The following GPM6B variants were observed in gnomAD, a reference collection of about 807,000 sequenced individuals.
The protein encoded by GPM6B is glycoprotein M6B, also known as neuronal membrane glycoprotein M6-b.
In GPM6B, 4 loss-of-function variants were observed where a neutral mutation model predicts 27.2. The observed-to-expected ratio is 0.15, with a 90% CI of 0.07 to 0.34. The LOEUF (loss-of-function observed/expected upper bound fraction) is 0.34, where lower values mean the gene tolerates loss of function less well. Ranked by LOEUF, GPM6B falls within the 10% of genes least tolerant of loss-of-function variation. The pLI is 1.00. For missense variants in GPM6B, 183 were observed against 261.9 expected (o/e 0.70, Z 2.08); for synonymous variants, 124 against 103.1 (o/e 1.20, Z -1.23).
chrX:13,861,158 C>T (rs79847471), intron 1 of GPM6B, among the ~76,000 whole-genome samples: 1 of 95,172 alleles, frequency 1.1e-5, no homozygotes, highest in African/African-American at 4.3e-5. Flanking sequence ...TATACATATA[C>T]ACACATACAT....
intron 1 of GPM6B, among the ~76,000 whole-genome samples, chrX:13,859,258 T>G (rs1290484365): frequency 8.9e-6 from 1 of 112,115 alleles, no homozygotes; most frequent in Non-Finnish European, 1.9e-5. Context: ...CCCCAACCTC[T>G]GGCAACCACT....
chrX:13,779,715 A>C, intron 5 of GPM6B, 103 bp downstream of exon 5: 1 of 653,100 alleles, frequency 1.5e-6, no homozygotes, highest in Non-Finnish European at 2.2e-6. Flanking sequence ...GGGATGAAAC[A>C]GATCATGACA....
intron 1 of GPM6B, among the ~76,000 whole-genome samples, chrX:13,937,675 A>G (rs1348459588): frequency 9.0e-6 from 1 of 111,724 alleles, no homozygotes; most frequent in Non-Finnish European, 1.9e-5. Context: ...TTTCCTCCCA[A>G]TACAGAGTCC....
chrX:13,773,104 C>T (rs1602957307), intron 7 of GPM6B, 74 bp from the exon 8 acceptor site: 1 of 960,164 alleles, frequency 1.0e-6, no homozygotes, highest in African/African-American at 1.9e-5. Flanking sequence ...TTAGATTAGA[C>T]AGACTTGACT....
At position 13,932,020 on chromosome X, in the gene GPM6B, C is replaced by A. The variant is rs1921592363; in HGVS notation, c.-198+6307G>T. On this transcript the variant is annotated intron_variant, in intron 1 of 6. Transcript: ENST00000398361. ...ATTTTATAGTTAGACACAAACGATT[C>A]TCTCAGTGGGTTTCTTTTATCCCCT... Among the ~76,000 whole-genome samples the A allele has an allele frequency of 3.6e-5, 4 of 112,617 alleles. No homozygotes were observed. The South Asian group carries it at 1.5e-3, about 42-fold the overall frequency.
Position 13,771,208 on chromosome X carries a change from A to G in GPM6B, c.*1673T>C, listed in dbSNP as rs1279234797. ...ACAAAACTTTCAAAAATTCCTGGTAATAGCTACCAGAATTAGAAAAGTAAA... is the reference window on the plus strand; with the variant it reads ...ACAAAACTTTCAAAAATTCCTGGTAGTAGCTACCAGAATTAGAAAAGTAAA... On this transcript the variant is annotated 3_prime_UTR_variant, in exon 8 of 8. Transcript: ENST00000316715. 1 of 112,037 alleles carries G rather than the reference A, an allele frequency of 8.9e-6. No individual in the cohort carries two copies. Among genetic ancestry groups the G allele is most frequent in the Non-Finnish European group, 1.9e-5 (1 of 53,106 alleles). The allele number at this position is 112,037 out of a possible 1,213,427, so 9.2% of individuals were successfully genotyped here.
At chrX:13,861,041 C>T (rs12833225) in intron 1 of GPM6B, among the ~76,000 whole-genome samples, 4 of 42,261 alleles carry the variant, frequency 9.5e-5, no homozygotes, top group African/African-American at 7.1e-4. Context: ...CACACACACA[C>T]ACATATATAC....
Position 13,853,360 on chromosome X carries a change from T to C in GPM6B, c.-197-67552A>G, listed in dbSNP as rs193019409. On this transcript the variant is annotated intron_variant, in intron 1 of 6. Transcript: ENST00000398361. ...GGCTCATGCCTGTAATCCCAACACT[T>C]TGGAAGGCTGAGGTGGGTGAATCAC... Among the ~76,000 whole-genome samples the C allele has an allele frequency of 8.2e-5, 9 of 109,679 alleles. No individual in the cohort carries two copies. In the East Asian group the frequency reaches 1.7e-3, roughly 21 times the overall value.
At chrX:13,810,415 A>T (rs764061592) in intron 1 of GPM6B, among the ~76,000 whole-genome samples, 37 of 112,028 alleles carry the variant, frequency 3.3e-4, no homozygotes, top group Middle Eastern at 4.6e-3. Context: ...CATACTCAGC[A>T]CACAGGTGCC....
rs149743372 is a variant in GPM6B at position 13,775,706 on chromosome X, G to C, written c.837+532C>G. Among the ~76,000 whole-genome samples, 89 of 112,253 alleles carry C rather than the reference G, an allele frequency of 7.9e-4. No homozygotes were observed. In the East Asian group the frequency reaches 0.018, roughly 23 times the overall value. ...CACGAAACAAGCTTATGTGTTGATA[G>C]GTTGCTGAAAATGATGTGACCAGAG... On this transcript the variant is annotated intron_variant, in intron 7 of 7. Coordinates refer to ENST00000316715, the MANE Select transcript of GPM6B (RefSeq NM_001001995.3).
chrX:13,804,927 G>C (rs951087834), intron 2 of GPM6B, among the ~76,000 whole-genome samples: 1 of 111,486 alleles, frequency 9.0e-6, no homozygotes, highest in African/African-American at 3.3e-5. Context: ...AACAAAATCT[G>C]TAAGTGTCTG....
chrX:13,809,371 T>C (rs1383560230), intron 1 of GPM6B, among the ~76,000 whole-genome samples: 1 of 112,193 alleles, frequency 8.9e-6, no homozygotes, highest in Non-Finnish European at 1.9e-5. Flanking sequence ...CTGAGGTGCA[T>C]TTGCAGTTGA....
In GPM6B at chrX:13,776,287, T is replaced by C. The variant is rs779335203; in HGVS notation, c.788A>G (p.His263Arg). 26 of 1,204,585 alleles carry C rather than the reference T, an allele frequency of 2.2e-5. No homozygotes were observed. Among genetic ancestry groups the C allele is most frequent in the Non-Finnish European group, 2.5e-5 (22 of 890,870 alleles). The change falls in exon 7 of 8, where the codon CAC becomes CGC. Residue 263 changes from histidine to arginine, a missense_variant. By Grantham distance (29) the His-to-Arg change is conservative (BLOSUM62 0). Transcript: ENST00000316715. The stretch of plus-strand genomic sequence containing the variant: ...TCCTGCACAGGCCACAATGAACAGG[T>C]GATAGGACATGTAGAACTACAAAAG... ...CNTNEFYMSYHLFIVACAGAG... is the reference protein window; with the variant it reads ...CNTNEFYMSYRLFIVACAGAG...
intron 1 of GPM6B, among the ~76,000 whole-genome samples, chrX:13,865,783 G>T (rs1374135289): frequency 9.4e-6 from 1 of 106,228 alleles, no homozygotes; most frequent in African/African-American, 3.4e-5. Flanking sequence ...AATAAAAAAT[G>T]AAAGAAAAAA....
At chrX:13,906,931 T>C (rs779108831) in intron 1 of GPM6B, among the ~76,000 whole-genome samples, 1 of 112,144 alleles carries the variant, frequency 8.9e-6, no homozygotes, top group Non-Finnish European at 1.9e-5. Flanking sequence ...CATCTCCAGA[T>C]TGATTCAGGA....
intron 1 of GPM6B, among the ~76,000 whole-genome samples, chrX:13,893,054 T>G (rs760562510): frequency 5.4e-5 from 6 of 111,388 alleles, no homozygotes; most frequent in Admixed American, 4.8e-4. Context: ...AATAAACATT[T>G]AAAAACCATT....
chrX:13,785,957 C>T (rs1021616804), intron 2 of GPM6B, 149 bp from the exon 3 acceptor site: 1 of 467,621 alleles, frequency 2.1e-6, no homozygotes, highest in African/African-American at 2.4e-5. Context: ...ATCCCAAGGG[C>T]CAGTGTGGTA....
chrX:13,910,451 C>G (rs1258091456), intron 1 of GPM6B, among the ~76,000 whole-genome samples: 1 of 113,092 alleles, frequency 8.8e-6, no homozygotes, highest in Non-Finnish European at 1.9e-5. Context: ...ATGACTATGT[C>G]AAACACGGTG....
intron 1 of GPM6B, among the ~76,000 whole-genome samples, chrX:13,876,862 T>C (rs901507194): frequency 2.7e-5 from 3 of 110,903 alleles, no homozygotes; most frequent in African/African-American, 9.9e-5. Flanking sequence ...CATACCATGA[T>C]GCTGTGTCAC....
Sources: allele counts gnomAD v4.1 joint callset (sites outside exome capture counted in the v4.1 genomes callset), GRCh38; gene constraint gnomAD v4.1.1; transcripts MANE v1.5; gene names NCBI Gene and HGNC (gene_info 2026-07-23, HGNC 2026-07-21).